ESRRB: variants seen among roughly 807,000 people sequenced by gnomAD.
ESRRB encodes steroid hormone receptor ERR2.
ESRRB carries 16 observed loss-of-function variants against 46.0 expected under a neutral mutation model. That is an observed-to-expected ratio of 0.35 (90% confidence interval 0.24 to 0.53). ESRRB has a LOEUF of 0.53. Among genes scored for constraint, ESRRB ranks in the 20% least tolerant of loss-of-function variants. The pLI, the probability that ESRRB is intolerant of heterozygous loss-of-function variation, is 0.93. For missense variants in ESRRB, 488 were observed against 607.4 expected, an observed-to-expected ratio of 0.80 and a Z score of 2.07; for synonymous variants, 246 against 259.6, an observed-to-expected ratio of 0.95 and a Z score of 0.50.
chr14:76,413,238 G>A (rs180985210), intron 1 of ESRRB, among the ~76,000 whole-genome samples: 122 of 152,238 alleles, frequency 8.0e-4, no homozygotes, highest in African/African-American at 2.7e-3. Flanking sequence ...GGGTGATGTC[G>A]AAACCCCTGG....
intron 1 of ESRRB, among the ~76,000 whole-genome samples, chr14:76,384,610 A>G (rs1885144659): frequency 6.6e-6 from 1 of 152,102 alleles, no homozygotes; most frequent in South Asian, 2.1e-4. Flanking sequence ...GTTTCTTGTA[A>G]GTGATGCTGT....
In ESRRB at chr14:76,406,685, G is replaced by A. The variant is rs371571267; in HGVS notation, c.50+30234G>A. On this transcript the variant is annotated intron_variant, in intron 1 of 6. Coordinates refer to ENST00000644823, the MANE Select transcript of ESRRB (RefSeq NM_001379180.1). Reference sequence around the variant, plus strand: ...GCTTGAACCCAGAGGCAGAGGTTGCGGTGAGCCAAGATCATGCCATTGCAC... The same window carrying A: ...GCTTGAACCCAGAGGCAGAGGTTGCAGTGAGCCAAGATCATGCCATTGCAC... 1.6e-3 allele frequency among the ~76,000 whole-genome samples: 244 copies of A among 152,182 alleles called. 3 individuals are homozygous for A. Among genetic ancestry groups the A allele is most frequent in the African/African-American group, 4.7e-3 (196 of 41,534 alleles).
At chr14:76,361,726 A>C (rs559248261) in intron 1 of ESRRB, among the ~76,000 whole-genome samples, 1 of 152,186 alleles carries the variant, frequency 6.6e-6, no homozygotes, top group Non-Finnish European at 1.5e-5. Context: ...GGCATCTCTC[A>C]TGGATGGTCC....
At chr14:76,321,391 T>C (rs1883865665) in intron 1 of ESRRB, among the ~76,000 whole-genome samples, 1 of 152,228 alleles carries the variant, frequency 6.6e-6, no homozygotes, top group African/African-American at 2.4e-5. Context: ...ATCTCGTATT[T>C]TCTTTAACCA....
intron 1 of ESRRB, among the ~76,000 whole-genome samples, chr14:76,396,451 C>T (rs1391881817): frequency 6.6e-6 from 1 of 152,090 alleles, no homozygotes; most frequent in African/African-American, 2.4e-5. Context: ...AGATTTTTAC[C>T]TTTAACTTTG....
intron 1 of ESRRB, among the ~76,000 whole-genome samples, chr14:76,314,354 G>A (rs187193678): frequency 6.6e-6 from 1 of 152,256 alleles, no homozygotes; most frequent in East Asian, 1.9e-4. Context: ...TTTGCTAAGG[G>A]CCTGGAGGGG....
Position 76,498,530 on chromosome 14 carries a change from C to T in ESRRB, c.*72C>T. The T allele has an allele frequency of 6.2e-7, 1 of 1,610,540 alleles. No individual in the cohort carries two copies. The highest frequency in any genetic ancestry group is 8.5e-7 in the Non-Finnish European group (1 of 1,179,156). Reference sequence around the variant, plus strand: ...CAGACCGAGGTGGAGACCTCCACAGCCACCAGCCTCCACCTTCAACCCCTG... The same window carrying T: ...CAGACCGAGGTGGAGACCTCCACAGTCACCAGCCTCCACCTTCAACCCCTG... On this transcript the variant is annotated 3_prime_UTR_variant, in exon 7 of 7. Transcript: ENST00000644823.
chr14:76,413,139 C>A (rs1037949930), intron 1 of ESRRB, among the ~76,000 whole-genome samples: 1 of 152,194 alleles, frequency 6.6e-6, no homozygotes, highest in Non-Finnish European at 1.5e-5. Flanking sequence ...GAGGACTGTG[C>A]AGGCAGTTTG....
At chr14:76,378,462 C>G (rs1884871886) in intron 1 of ESRRB, among the ~76,000 whole-genome samples, 1 of 152,010 alleles carries the variant, frequency 6.6e-6, no homozygotes, top group African/African-American at 2.4e-5. Flanking sequence ...ATAAACTAAG[C>G]CTGACAGAGG....
intron 6 of ESRRB, 53 bp from the exon 7 acceptor site, chr14:76,498,161 A>T (rs1890503547): frequency 1.2e-6 from 2 of 1,611,080 alleles, no homozygotes; most frequent in Non-Finnish European, 8.5e-7. Flanking sequence ...TGGCCCCCAC[A>T]CCAGGCAGCA....
intron 1 of ESRRB, among the ~76,000 whole-genome samples, chr14:76,323,742 A>T (rs17104350): frequency 0.19 from 29,125 of 151,964 alleles, 3,025 homozygotes; most frequent in East Asian, 0.38. Flanking sequence ...ATTAGGGTGA[A>T]TTGCGTGGGA....
At chr14:76,387,915 T>G (rs1885304426) in intron 1 of ESRRB, among the ~76,000 whole-genome samples, 1 of 152,254 alleles carries the variant, frequency 6.6e-6, no homozygotes, top group South Asian at 2.1e-4. Context: ...GAGCATTTAC[T>G]GTGTGTCAGG....
At chr14:76,359,064 T>C (rs1425525228) in intron 1 of ESRRB, among the ~76,000 whole-genome samples, 1 of 152,200 alleles carries the variant, frequency 6.6e-6, no homozygotes, top group Non-Finnish European at 1.5e-5. Context: ...ATACCAAGCA[T>C]GTTGGTAGGG....
chr14:76,500,709 G>T lies in ESRRB; in HGVS notation c.*2251G>T, dbSNP rs775636143. Reference sequence around the variant, plus strand: ...GTCTTTTCTAGGGAAAGCATCTCTGGCTCACCATGTAACATCTGGCTTGGA... The same window carrying T: ...GTCTTTTCTAGGGAAAGCATCTCTGTCTCACCATGTAACATCTGGCTTGGA... On this transcript the variant is annotated 3_prime_UTR_variant, in exon 7 of 7. Transcript: ENST00000644823. 4.3e-6 allele frequency: 7 copies of T among 1,613,788 alleles called. No individual in the cohort carries two copies. In the Admixed American group the frequency reaches 1.2e-4, roughly 27 times the overall value.
In ESRRB at chr14:76,500,869, C is replaced by T. The variant is rs1890635917; in HGVS notation, c.*2411C>T. 2 of 803,026 alleles carry T rather than the reference C, an allele frequency of 2.5e-6. No homozygotes were observed. Among genetic ancestry groups the T allele is most frequent in the Non-Finnish European group, 4.4e-6 (2 of 458,720 alleles). 49.7% of individuals were successfully genotyped at this position (803,026 alleles called of 1,614,324 possible). ...GTTGGTGTCCATGAGGTGGAAGCTGCTTTTATACTTAAAACTCAGATCACA... is the reference window on the plus strand; with the variant it reads ...GTTGGTGTCCATGAGGTGGAAGCTGTTTTTATACTTAAAACTCAGATCACA... On this transcript the variant is annotated 3_prime_UTR_variant, in exon 7 of 7. Transcript: ENST00000644823.
chr14:76,440,547 A>ACCTTCCTTCCTT (rs112136509), intron 2 of ESRRB, among the ~76,000 whole-genome samples: 148 of 151,108 alleles, frequency 9.8e-4, no homozygotes, highest in Middle Eastern at 6.8e-3. Flanking sequence ...TTTAAGACCG[A>ACCTTCCTTCCTT]CCTTCCTTCA....
At chr14:76,358,034 G>A (rs146179308) in intron 1 of ESRRB, among the ~76,000 whole-genome samples, 190 of 152,190 alleles carry the variant, frequency 1.2e-3, no homozygotes, top group African/African-American at 3.2e-3. Context: ...ATTGCAGGCT[G>A]GGCACGGTGG....
upstream of ESRRB, among the ~76,000 whole-genome samples, chr14:76,374,132 G>A (rs1359142105): frequency 1.3e-5 from 2 of 152,116 alleles, no homozygotes; most frequent in Non-Finnish European, 2.9e-5. Context: ...ACTCCTACAG[G>A]TTAACCATTC....
Position 76,498,603 on chromosome 14 carries a change from G to C in ESRRB, c.*145G>C, listed in dbSNP as rs916161407. On this transcript the variant is annotated 3_prime_UTR_variant, in exon 7 of 7. Transcript: ENST00000644823. ...AGAGGCGGGGGTTTCTCACCTCCTG[G>C]CTGTGTGCAGACTCCCGGGTGCAGT... 4.1e-5 allele frequency: 61 copies of C among 1,476,780 alleles called. No homozygotes were observed. In the African/African-American group the frequency reaches 8.5e-4, roughly 20 times the overall value. 91.5% of individuals were successfully genotyped at this position (1,476,780 alleles called of 1,614,324 possible). A position where few individuals can be genotyped will look rare whatever the true frequency, so the allele number is the denominator to read the frequency against.
Sources: gnomAD v4.1 joint callset for allele counts (sites outside exome capture counted in the v4.1 genomes callset) on GRCh38, gnomAD v4.1.1 for gene constraint, MANE v1.5 for transcripts, NCBI Gene and HGNC (gene_info 2026-07-23, HGNC 2026-07-21) for gene names.